RAP1GAP2: variants seen among roughly 807,000 people sequenced by gnomAD.
RAP1GAP2 encodes RAP1 GTPase activating protein 2, also known as rap1 GTPase-activating protein 2.
A neutral mutation model predicts 95.0 loss-of-function variants in RAP1GAP2; 27 were observed. The observed-to-expected ratio is 0.28, with a 90% CI of 0.21 to 0.39. The LOEUF is 0.39. RAP1GAP2 is among the 10% of genes least tolerant of loss of function. The pLI is 1.00. For missense variants in RAP1GAP2, 771 were observed against 970.0 expected (o/e 0.79, Z 2.72); for synonymous variants, 373 against 380.9 (o/e 0.98, Z 0.24).
At chr17:2,790,928 A>T (rs770260214) in intron 1 of RAP1GAP2, among the ~76,000 whole-genome samples, 24 of 152,106 alleles carry the variant, frequency 1.6e-4, no homozygotes, top group Non-Finnish European at 2.5e-4. Flanking sequence ...GGGCGCTGCG[A>T]GCGCCGTGGC....
rs374140038 is a variant in RAP1GAP2 at position 3,026,677 on chromosome 17, G to A, written c.1980+213G>A. 7.9e-5 allele frequency among the ~76,000 whole-genome samples: 12 copies of A among 152,368 alleles called. 1 individual carries two copies. In the South Asian group the frequency reaches 2.5e-3, roughly 32 times the overall value. The stretch of plus-strand genomic sequence containing the variant: ...CTCTCAGAGTGACATAGCAGCAGCA[G>A]AGGGCAGGGGCCAGACCCGATGGTG... On this transcript the variant is annotated intron_variant, in intron 21 of 24. Transcript: ENST00000254695.
At chr17:2,775,172 C>T (rs893825149), upstream of RAP1GAP2, among the ~76,000 whole-genome samples, 1 of 152,084 alleles carries the variant, frequency 6.6e-6, no homozygotes, top group Non-Finnish European at 1.5e-5. Context: ...TTCTTTCTCC[C>T]ACAACTATCC....
At chr17:2,795,559 A>C (rs1408320368), upstream of RAP1GAP2, among the ~76,000 whole-genome samples, 3 of 152,218 alleles carry the variant, frequency 2.0e-5, no homozygotes, top group Admixed American at 2.0e-4. Flanking sequence ...GAAGCATGCC[A>C]CTGCTCTGAC....
intron 3 of RAP1GAP2, among the ~76,000 whole-genome samples, chr17:2,947,037 G>A (rs1032926827): frequency 6.6e-6 from 1 of 152,204 alleles, no homozygotes; most frequent in African/African-American, 2.4e-5. Context: ...TTACAGGCGT[G>A]AGCCACCGTG....
rs79286306 is a variant in RAP1GAP2 at position 2,871,822 on chromosome 17, G to A, written c.81-33462G>A. Among the ~76,000 whole-genome samples the A allele has an allele frequency of 0.1, 15,438 of 152,154 alleles. 1,772 individuals are homozygous for A. Among genetic ancestry groups the A allele is most frequent in the East Asian group, 0.59 (3,042 of 5,162 alleles). ...AATGACGTAGAATGAGGTCATTCAC[G>A]GCAATATTATTTGAAATAGCAAAAC... On this transcript the variant is annotated intron_variant, in intron 2 of 24. Transcript: ENST00000254695. The surrounding 1 kb of genome is among the most constrained non-coding windows in gnomAD (Gnocchi z 5.0).
At chr17:2,973,044 A>G (rs1348664978) in intron 8 of RAP1GAP2, among the ~76,000 whole-genome samples, 2 of 152,146 alleles carry the variant, frequency 1.3e-5, no homozygotes, top group Non-Finnish European at 2.9e-5. Flanking sequence ...GTGGTGAGGG[A>G]GAACTGAAGG....
rs897719875 is a variant in RAP1GAP2, at chr17:2,827,496, G to A, written c.80+26946G>A. ...GGGGCTACCCTGGGTGGGTGGTCAG[G>A]AAGAGCCTCTCCATAGAAGGGACAT... On this transcript the variant is annotated intron_variant, in intron 2 of 24. Coordinates refer to ENST00000254695, the MANE Select transcript of RAP1GAP2 (RefSeq NM_015085.5). The surrounding 1 kb of genome is among the most constrained non-coding windows in gnomAD (Gnocchi z 4.1). Among the ~76,000 whole-genome samples the A allele has an allele frequency of 6.6e-6, 1 of 152,112 alleles. No homozygotes were observed. Among genetic ancestry groups the A allele is most frequent in the Non-Finnish European group, 1.5e-5 (1 of 68,020 alleles).
chr17:2,914,640 G>C (rs1269883328), intron 3 of RAP1GAP2, among the ~76,000 whole-genome samples: 2 of 151,680 alleles, frequency 1.3e-5, no homozygotes, highest in Non-Finnish European at 2.9e-5. Context: ...ACAGGCGCCC[G>C]CCACCACGCC....
At chr17:2,771,276 G>A (rs1314963900) in intron 2 of RAP1GAP2, among the ~76,000 whole-genome samples, 3 of 151,884 alleles carry the variant, frequency 2.0e-5, no homozygotes, top group African/African-American at 4.8e-5. Context: ...GTCTGGGTAG[G>A]GGGCTGGGAG....
chr17:2,891,426 C>T (rs1489228581), intron 2 of RAP1GAP2, among the ~76,000 whole-genome samples: 1 of 152,092 alleles, frequency 6.6e-6, no homozygotes, highest in African/African-American at 2.4e-5. Context: ...CAGGTGAGAG[C>T]CACTGTACCT....
intron 3 of RAP1GAP2, among the ~76,000 whole-genome samples, chr17:2,926,309 C>T (rs1352500514): frequency 2.6e-5 from 4 of 152,158 alleles, no homozygotes; most frequent in Admixed American, 6.5e-5. Context: ...CCTCTTCACA[C>T]GGCATGATCT....
At chr17:2,774,719 C>T (rs1032408653), upstream of RAP1GAP2, among the ~76,000 whole-genome samples, 13 of 151,952 alleles carry the variant, frequency 8.6e-5, no homozygotes, top group Non-Finnish European at 1.9e-4. Context: ...GATCCACCCA[C>T]CTTGGCCTCC....
intron 2 of RAP1GAP2, among the ~76,000 whole-genome samples, chr17:2,814,487 G>A (rs1451780487): frequency 6.6e-6 from 1 of 152,102 alleles, no homozygotes; most frequent in Non-Finnish European, 1.5e-5. Flanking sequence ...CTTCCCCATC[G>A]GCATGGAAGG....
intron 2 of RAP1GAP2, among the ~76,000 whole-genome samples, chr17:2,822,636 T>TG (rs1555547751): frequency 0.041 from 4,900 of 120,400 alleles, 242 homozygotes; most frequent in African/African-American, 0.14. Flanking sequence ...TGTTTTTTTT[T>TG]TTTTTTTTTT....
intron 8 of RAP1GAP2, among the ~76,000 whole-genome samples, chr17:2,973,446 G>T (rs1284481919): frequency 1.3e-5 from 2 of 151,712 alleles, no homozygotes; most frequent in Non-Finnish European, 2.9e-5. Context: ...AACCTGAGAA[G>T]TGGAGGTTGC....
At chr17:2,948,854 G>A (rs187221649) in intron 3 of RAP1GAP2, among the ~76,000 whole-genome samples, 2 of 152,322 alleles carry the variant, frequency 1.3e-5, no homozygotes, top group Admixed American at 1.3e-4. Flanking sequence ...GGACTCACAC[G>A]AGTGCCATCT....
intron 17 of RAP1GAP2, among the ~76,000 whole-genome samples, chr17:3,009,858 C>T (rs1435836101): frequency 6.6e-6 from 1 of 151,978 alleles, no homozygotes; most frequent in Non-Finnish European, 1.5e-5. Flanking sequence ...GTCAGACAAC[C>T]CAGCGAGAGA....
intron 2 of RAP1GAP2, chr17:2,770,519 T>C (rs989396062): frequency 7.5e-6 from 3 of 398,194 alleles, no homozygotes; most frequent in Non-Finnish European, 1.3e-5. Context: ...ACTTAGGAAG[T>C]GAGCTCCGCA....
chr17:2,960,481 G>A (rs1748870516), intron 4 of RAP1GAP2, among the ~76,000 whole-genome samples: 1 of 152,208 alleles, frequency 6.6e-6, no homozygotes, highest in African/African-American at 2.4e-5. Flanking sequence ...ATGCTGCAAG[G>A]CGACTCAGCC....
Sources: gnomAD v4.1 joint callset for allele counts (sites outside exome capture counted in the v4.1 genomes callset) on GRCh38, gnomAD v4.1.1 for gene constraint, Gnocchi (gnomAD v3.1) non-coding constraint, MANE v1.5 for transcripts, NCBI Gene and HGNC (gene_info 2026-07-23, HGNC 2026-07-21) for gene names.